Variants in RFNG observed in about 807,000 individuals in gnomAD.
RFNG encodes the protein beta-1,3-N-acetylglucosaminyltransferase radical fringe.
RFNG carries 37 observed loss-of-function variants against 29.6 expected under a neutral mutation model. That is an observed-to-expected ratio of 1.25 (90% CI 0.96 to 1.65). RFNG has a LOEUF of 1.65. RFNG is among the 40% of genes most tolerant of loss of function. RFNG has a pLI of 0.00. For missense variants in RFNG, 546 were observed against 457.0 expected (o/e 1.19, Z -1.78); for synonymous variants, 276 against 197.3 (o/e 1.40, Z -3.34).
At position 82,048,749 on chromosome 17, in the gene RFNG, G is replaced by C. The variant is rs1045904695; in HGVS notation, c.973C>G (p.Gln325Glu). Residue 325 changes from glutamine to glutamate, a missense_variant, in exon 8 of 8, where the codon CAG becomes GAG. Coordinates refer to ENST00000310496, the MANE Select transcript of RFNG (RefSeq NM_002917.2). ...TGTCACCGAGAGGTCGGGGCGCCCT[G>C]TTTCTGCCTGGGACACCAGTCCGTG... is the stretch of plus-strand genomic sequence containing the variant. ...PDTDWCPRQK[Q>E]GAPTSR The C allele has an allele frequency of 3.1e-6, 5 of 1,613,126 alleles. No homozygotes were observed. Among genetic ancestry groups the C allele is most frequent in the Non-Finnish European group, 4.2e-6 (5 of 1,179,874 alleles).
chr17:82,050,096 G>A, intron 4 of RFNG, 90 bp from the exon 5 acceptor site: 1 of 1,163,792 alleles, frequency 8.6e-7, no homozygotes, highest in Non-Finnish European at 1.2e-6. Context: ...TTCTTAAGCT[G>A]CCCCTTAGGA....
intron 6 of RFNG, 123 bp downstream of exon 6, chr17:82,049,554 C>G: frequency 8.4e-7 from 1 of 1,191,716 alleles, no homozygotes; most frequent in Non-Finnish European, 1.2e-6. Context: ...GGGTCCACCC[C>G]CAGCCACATG....
rs765531010 is a variant in RFNG, at chr17:82,050,024, G to A, written c.574-18C>T. The A allele has an allele frequency of 3.1e-6, 5 of 1,588,598 alleles. No individual in the cohort carries two copies. The highest frequency in any genetic ancestry group is 4.3e-6 in the Non-Finnish European group (5 of 1,164,598). On this transcript the variant is annotated intron_variant, in intron 4 of 7. Coordinates refer to ENST00000310496, the MANE Select transcript of RFNG (RefSeq NM_002917.2). Reference sequence around the variant, plus strand: ...GTGGTCACCTGAAGATGGGGTGGTGGTCAGAGCTGCCCAGGACAGGGCTTC... The same window carrying A: ...GTGGTCACCTGAAGATGGGGTGGTGATCAGAGCTGCCCAGGACAGGGCTTC...
At chr17:82,050,194 C>T (rs938413450) in intron 4 of RFNG, 188 bp from the exon 5 acceptor site, 1 of 774,394 alleles carries the variant, frequency 1.3e-6, no homozygotes, top group Non-Finnish European at 2.0e-6. Flanking sequence ...AGACCCTCCC[C>T]ACCTGGCCCA....
chr17:82,050,150 G>A (rs989718503), intron 4 of RFNG, 144 bp from the exon 5 acceptor site: 91 of 822,392 alleles, frequency 1.1e-4, no homozygotes, highest in South Asian at 1.7e-4. Flanking sequence ...AAAAAGAGCC[G>A]GGGGCTTCTG....
In RFNG at chr17:82,051,747, G is replaced by A. The variant is rs2144260103; in HGVS notation, c.20C>T (p.Ala7Val). 1.8e-6 allele frequency: 2 copies of A among 1,081,142 alleles called. No homozygotes were observed. The highest frequency in any genetic ancestry group is 2.2e-6 in the Non-Finnish European group (2 of 893,314). The allele number at this position is 1,081,142 out of a possible 1,614,324, so 67.0% of individuals were successfully genotyped here. MSRARGALCRACLALAA... is the reference protein window; with the variant it reads MSRARGVLCRACLALAA... ...CAGCGCGAGGCAGGCCCGGCACAGC[G>A]CCCCACGCGCGCGGCTCATGCGGCC... The change falls in exon 1 of 8, where the codon GCG (alanine) becomes GTG (valine). Residue 7 changes from alanine (A) to valine (V), a missense_variant. By Grantham distance (64) the Ala-to-Val change is moderately conservative. Transcript: ENST00000310496. This position sits in a 1 kb window ranked among gnomAD's most constrained non-coding sequence, Gnocchi z 4.1.
chr17:82,050,790 C>T (rs769545262), intron 2 of RFNG, 26 bp from the exon 3 acceptor site: 5 of 1,607,640 alleles, frequency 3.1e-6, no homozygotes, highest in Non-Finnish European at 4.3e-6. Context: ...GGGAAGCACG[C>T]ACGTAGAGGA....
Position 82,051,362 on chromosome 17 carries a change from T to C in RFNG, c.268-20A>G. 3 of 1,461,404 alleles carry C rather than the reference T, an allele frequency of 2.1e-6. No homozygotes were observed. The highest frequency in any genetic ancestry group is 2.7e-6 in the Non-Finnish European group (3 of 1,116,048). 90.5% of individuals were successfully genotyped at this position (1,461,404 alleles called of 1,614,324 possible). ...AAACGTCTGGGGGAGAAACAATCTATGAGGCTTCTGGGGCGCTGCCCAGGC... is the reference window on the plus strand; with the variant it reads ...AAACGTCTGGGGGAGAAACAATCTACGAGGCTTCTGGGGCGCTGCCCAGGC... On this transcript the variant is annotated intron_variant, in intron 1 of 7. Coordinates refer to ENST00000310496, the MANE Select transcript of RFNG (RefSeq NM_002917.2). This position sits in a 1 kb window ranked among gnomAD's most constrained non-coding sequence, Gnocchi z 4.1.
chr17:82,048,667 G>A lies in RFNG; in HGVS notation c.*59C>T, dbSNP rs901040976. 2.1e-6 allele frequency: 3 copies of A among 1,408,826 alleles called. No individual in the cohort carries two copies. The highest frequency in any genetic ancestry group is 1.1e-5 in the South Asian group (1 of 86,988). The allele number at this position is 1,408,826 out of a possible 1,614,324, so 87.3% of individuals were successfully genotyped here. On this transcript the variant is annotated 3_prime_UTR_variant, in exon 8 of 8. Coordinates refer to ENST00000310496, the MANE Select transcript of RFNG (RefSeq NM_002917.2). ...GAGGGAGCCCACTGAGCCCATAGGGGGCTCTGGTTCCCCGCGCCTGGGACA... is the reference window on the plus strand; with the variant it reads ...GAGGGAGCCCACTGAGCCCATAGGGAGCTCTGGTTCCCCGCGCCTGGGACA...
rs574031094 is a variant in RFNG, at chr17:82,048,574, G to T, written c.*152C>A. Reference sequence around the variant, plus strand: ...CCGCAGCCCACCAGGGGCTGGGAGAGGGGGGGCTGCAGGCTAGCCAGAGGG... The same window carrying T: ...CCGCAGCCCACCAGGGGCTGGGAGATGGGGGGCTGCAGGCTAGCCAGAGGG... On this transcript the variant is annotated 3_prime_UTR_variant, in exon 8 of 8. Coordinates refer to ENST00000310496, the MANE Select transcript of RFNG (RefSeq NM_002917.2). The T allele has an allele frequency of 1.7e-5, 11 of 656,648 alleles. No individual in the cohort carries two copies. The East Asian group carries it at 1.8e-4, about 11-fold the overall frequency. 40.7% of individuals were successfully genotyped at this position (656,648 alleles called of 1,614,324 possible).
rs755235445 is a variant in RFNG at position 82,049,997 on chromosome 17, C to T, written c.583G>A (p.Val195Ile). The T allele has an allele frequency of 5.6e-6, 9 of 1,610,556 alleles. No individual in the cohort carries two copies. Among genetic ancestry groups the T allele is most frequent in the African/African-American group, 1.3e-5 (1 of 74,850 alleles). ...RVQGGRTVTT[V>I]KFWFATGGAG... Reference sequence around the variant, plus strand: ...CCACCAGTAGCAAACCAGAACTTGACCGTGGTCACCTGAAGATGGGGTGGT... The same window carrying T: ...CCACCAGTAGCAAACCAGAACTTGATCGTGGTCACCTGAAGATGGGGTGGT... Residue 195 changes from valine (V) to isoleucine (I), a missense_variant, in exon 5 of 8, where the codon GTC becomes ATC. Coordinates refer to ENST00000310496, the MANE Select transcript of RFNG (RefSeq NM_002917.2).
Position 82,048,685 on chromosome 17 carries a change from C to G in RFNG, c.*41G>C. 6.4e-7 allele frequency: 1 copy of G among 1,560,776 alleles called. No individual in the cohort carries two copies. Among genetic ancestry groups the G allele is most frequent in the South Asian group, 1.1e-5 (1 of 90,074 alleles). ...CATAGGGGGCTCTGGTTCCCCGCGC[C>G]TGGGACAGAGCCAGGCAGCCCTGGG... On this transcript the variant is annotated 3_prime_UTR_variant, in exon 8 of 8. Transcript: ENST00000310496.
At position 82,048,574 on chromosome 17, in the gene RFNG, G is replaced by C. The variant is rs574031094; in HGVS notation, c.*152C>G. 37 of 656,650 alleles carry C rather than the reference G, an allele frequency of 5.6e-5. No homozygotes were observed. In the East Asian group the frequency reaches 7.1e-4, roughly 13 times the overall value. The allele number at this position is 656,650 out of a possible 1,614,324, so 40.7% of individuals were successfully genotyped here. On this transcript the variant is annotated 3_prime_UTR_variant, in exon 8 of 8. Transcript: ENST00000310496. ...CCGCAGCCCACCAGGGGCTGGGAGA[G>C]GGGGGGCTGCAGGCTAGCCAGAGGG...
rs1389505247 is a variant in RFNG, at chr17:82,051,220, A to C, written c.316+74T>G. 1.5e-6 allele frequency: 2 copies of C among 1,308,572 alleles called. No homozygotes were observed. The highest frequency in any genetic ancestry group is 2.0e-6 in the Non-Finnish European group (2 of 1,024,780). 81.1% of individuals were successfully genotyped at this position (1,308,572 alleles called of 1,614,324 possible). On this transcript the variant is annotated intron_variant, in intron 2 of 7. Coordinates refer to ENST00000310496, the MANE Select transcript of RFNG (RefSeq NM_002917.2). The surrounding 1 kb of genome is among the most constrained non-coding windows in gnomAD (Gnocchi z 4.1). ...CAGAGAAAGGCACCCACAGCAGCGA[A>C]GGGGCCGTGGCTTCGGAGCGAGAAA...
At position 82,048,274 on chromosome 17, in the gene RFNG, C is replaced by T. The variant is rs989115183; in HGVS notation, c.*452G>A. ...TGCACCCAGCCTGCGGCAGAGAGGG[C>T]GGCGTCCCCCACAAAGCCTGCCAGG... is the stretch of plus-strand genomic sequence containing the variant. On this transcript the variant is annotated 3_prime_UTR_variant, in exon 8 of 8. Coordinates refer to ENST00000310496, the MANE Select transcript of RFNG (RefSeq NM_002917.2). The T allele has an allele frequency of 5.5e-5, 11 of 200,324 alleles. No individual in the cohort carries two copies. The highest frequency in any genetic ancestry group is 3.4e-4 in the South Asian group (4 of 11,634). The allele number at this position is 200,324 out of a possible 1,614,324, so 12.4% of individuals were successfully genotyped here.
rs776031913 is a variant in RFNG at position 82,049,758 on chromosome 17, G to A, written c.747C>T (p.Gly249=). The part of the protein sequence containing the change: ...TVGYIVEGLL[G]ARLLHSPLFH... ...AGAGGGGGCTGTGCAGCAGGCGGGC[G>A]CCCAGGAGCCCCTCCACGATGTAGC... The change falls in exon 6 of 8, where the codon GGC becomes GGT. Residue 249 remains glycine, a synonymous_variant. Transcript: ENST00000310496. 41 of 1,522,312 alleles carry A rather than the reference G, an allele frequency of 2.7e-5. No homozygotes were observed. Among genetic ancestry groups the A allele is most frequent in the Admixed American group, 4.5e-5 (2 of 44,930 alleles). 94.3% of individuals were successfully genotyped at this position (1,522,312 alleles called of 1,614,324 possible).
intron 7 of RFNG, 63 bp from the exon 8 acceptor site, chr17:82,048,870 T>G: frequency 6.6e-7 from 1 of 1,516,966 alleles, no homozygotes; most frequent in Admixed American, 1.7e-5. Flanking sequence ...GCCAGGGCCG[T>G]GGGCGGCGGG....
At position 82,050,780 on chromosome 17, in the gene RFNG, G is replaced by A. The variant is rs1296086222; in HGVS notation, c.317-16C>T. The A allele has an allele frequency of 3.1e-6, 5 of 1,610,916 alleles. No homozygotes were observed. Among genetic ancestry groups the A allele is most frequent in the East Asian group, 4.5e-5 (2 of 44,876 alleles). On this transcript the variant is annotated splice_polypyrimidine_tract_variant and intron_variant, in intron 2 of 7. Coordinates refer to ENST00000310496, the MANE Select transcript of RFNG (RefSeq NM_002917.2). Reference sequence around the variant, plus strand: ...ACACGGTCGCCTGCGAATCAGAGACGGGAAGCACGCACGTAGAGGATGGCA... The same window carrying A: ...ACACGGTCGCCTGCGAATCAGAGACAGGAAGCACGCACGTAGAGGATGGCA...
intron 7 of RFNG, 66 bp from the exon 8 acceptor site, chr17:82,048,873 G>A: frequency 6.6e-7 from 1 of 1,511,448 alleles, no homozygotes; most frequent in Non-Finnish European, 9.2e-7. Context: ...AGGGCCGTGG[G>A]CGGCGGGAGA....
Sources: gnomAD v4.1 joint callset for allele counts on GRCh38, gnomAD v4.1.1 for gene constraint, Gnocchi (gnomAD v3.1) non-coding constraint, MANE v1.5 for transcripts, NCBI Gene and HGNC (gene_info 2026-07-23, HGNC 2026-07-21) for gene names.